Variants in BCL9 observed in about 807,000 individuals in gnomAD.
BCL9 encodes B-cell CLL/lymphoma 9 protein.
A neutral mutation model predicts 88.5 loss-of-function variants in BCL9; 25 were observed. The observed-to-expected ratio is 0.28, with a 90% confidence interval of 0.21 to 0.39. The LOEUF (loss-of-function observed/expected upper bound fraction) is 0.39, where lower values mean the gene tolerates loss of function less well. Ranked by LOEUF, BCL9 falls within the 10% of genes least tolerant of loss-of-function variation. BCL9 has a pLI of 1.00. For synonymous variants in BCL9, 711 were observed against 673.3 expected (o/e 1.06, Z -0.87); for missense variants, 1,817 against 1,877.8 (o/e 0.97, Z 0.60).
At chr1:147,584,773 G>T (rs781880471) in intron 1 of BCL9, among the ~76,000 whole-genome samples, 1 of 152,220 alleles carries the variant, frequency 6.6e-6, no homozygotes. Context: ...TGCAGTAGAA[G>T]TTTAGCTCCT....
chr1:147,557,524 G>A (rs1655169432), intron 1 of BCL9, among the ~76,000 whole-genome samples: 1 of 152,142 alleles, frequency 6.6e-6, no homozygotes, highest in African/African-American at 2.4e-5. Flanking sequence ...GAAGATAAGG[G>A]TAGAGGCTTG....
At chr1:147,585,097 T>A (rs782689039) in intron 1 of BCL9, among the ~76,000 whole-genome samples, 5 of 152,130 alleles carry the variant, frequency 3.3e-5, no homozygotes, top group African/African-American at 4.8e-5. Flanking sequence ...GTGTGAAAAT[T>A]GGATTTTACC....
rs1658180140 is a variant in BCL9, at chr1:147,614,629, C to T, written c.560+13C>T. 1.3e-6 allele frequency: 2 copies of T among 1,596,206 alleles called. No individual in the cohort carries two copies. Among genetic ancestry groups the T allele is most frequent in the Non-Finnish European group, 1.7e-6 (2 of 1,169,506 alleles). On this transcript the variant is annotated intron_variant, in intron 6 of 9. Transcript: ENST00000234739. ...AGATGGCCAATAAGTAAGTTGATGG[C>T]TGTGTCTTGCTGTTGGGCAGGGCTT...
At chr1:147,617,171 T>G (rs1332964311) in intron 7 of BCL9, among the ~76,000 whole-genome samples, 1 of 152,212 alleles carries the variant, frequency 6.6e-6, no homozygotes, top group Non-Finnish European at 1.5e-5. Flanking sequence ...AAATGCTTAT[T>G]GTCCTGGAAT....
intron 1 of BCL9, chr1:147,600,214 CG>C (rs1557845955): frequency 5.0e-5 from 8 of 161,602 alleles, no homozygotes; most frequent in Non-Finnish European, 7.9e-5. Context: ...CTGCCGCCGC[CG>C]GGGGGAGACG....
chr1:147,621,145 T>C, intron 8 of BCL9, 88 bp downstream of exon 8: 1 of 1,368,700 alleles, frequency 7.3e-7, no homozygotes, highest in Non-Finnish European at 9.9e-7. Context: ...GTGTCTTGAG[T>C]ACACAGACAG....
At position 147,618,820 on chromosome 1, in the gene BCL9, C is replaced by G; in HGVS notation, c.665C>G (p.Thr222Arg). 6.5e-7 allele frequency: 1 copy of G among 1,538,294 alleles called. No individual in the cohort carries two copies. Among genetic ancestry groups the G allele is most frequent in the Non-Finnish European group, 8.7e-7 (1 of 1,144,878 alleles). ...KTERSTAPLN[T>R]QISALRNDPK... Reference sequence around the variant, plus strand: ...AAACTATTTGTTTGTCTTCAGAACACACAGATATCTGCCCTTCGGAATGAT... The same window carrying G: ...AAACTATTTGTTTGTCTTCAGAACAGACAGATATCTGCCCTTCGGAATGAT... The change falls in exon 8 of 10, where the codon ACA (threonine) becomes AGA (arginine). Residue 222 changes from threonine to arginine, a missense_variant. By Grantham distance (71) the Thr-to-Arg change is moderately conservative. Coordinates refer to ENST00000234739, the MANE Select transcript of BCL9 (RefSeq NM_004326.4).
chr1:147,563,796 A>G lies in BCL9; in HGVS notation c.-478+22122A>G, dbSNP rs113249030. On this transcript the variant is annotated intron_variant, in intron 1 of 9. Coordinates refer to ENST00000234739, the MANE Select transcript of BCL9 (RefSeq NM_004326.4). ...ACTTTAATAATGTAAAATATTAACA[A>G]CCACTACTCATTACACACTTGTACC... Among the ~76,000 whole-genome samples, 474 of 152,350 alleles carry G rather than the reference A, an allele frequency of 3.1e-3. 6 individuals are homozygous for G. Among genetic ancestry groups the G allele is most frequent in the African/African-American group, 0.011 (462 of 41,566 alleles).
chr1:147,580,918 GA>G (rs1323237418), intron 1 of BCL9, among the ~76,000 whole-genome samples: 4 of 152,054 alleles, frequency 2.6e-5, no homozygotes, highest in Non-Finnish European at 5.9e-5. Flanking sequence ...TTTTAAAAGT[GA>G]AAAAAACTGG....
At chr1:147,616,006 G>A (rs1271783070) in intron 7 of BCL9, 104 bp downstream of exon 7, 1 of 1,122,846 alleles carries the variant, frequency 8.9e-7, no homozygotes, top group African/African-American at 1.5e-5. Context: ...TTGATGGCAT[G>A]AGTTGCATTC....
intron 1 of BCL9, among the ~76,000 whole-genome samples, chr1:147,556,808 G>C (rs1399219217): frequency 2.0e-5 from 3 of 152,162 alleles, no homozygotes; most frequent in African/African-American, 7.2e-5. Flanking sequence ...TTGGTCACTT[G>C]AGACAGCTCC....
chr1:147,548,049 A>C (rs1335708361), intron 1 of BCL9, among the ~76,000 whole-genome samples: 2 of 152,200 alleles, frequency 1.3e-5, no homozygotes, highest in African/African-American at 4.8e-5. Flanking sequence ...CAAAACTACC[A>C]CTAATGGCAT....
intron 1 of BCL9, among the ~76,000 whole-genome samples, chr1:147,584,687 C>T (rs892350859): frequency 6.6e-6 from 1 of 152,144 alleles, no homozygotes; most frequent in Non-Finnish European, 1.5e-5. Flanking sequence ...GTCTTGTGTG[C>T]GCCTCCCAGG....
At chr1:147,557,549 A>C (rs868962436) in intron 1 of BCL9, among the ~76,000 whole-genome samples, 35 of 152,294 alleles carry the variant, frequency 2.3e-4, no homozygotes, top group African/African-American at 7.9e-4. Context: ...TCGCAGGGAT[A>C]TCCTCCTTCC....
chr1:147,582,979 A>AT (rs1304962950), intron 1 of BCL9, among the ~76,000 whole-genome samples: 4 of 152,242 alleles, frequency 2.6e-5, no homozygotes, highest in African/African-American at 9.6e-5. Flanking sequence ...GTCAACAAAT[A>AT]TTTACCAAGT....
chr1:147,592,677 A>G (rs1656893597), intron 1 of BCL9, among the ~76,000 whole-genome samples: 1 of 152,212 alleles, frequency 6.6e-6, no homozygotes, highest in Admixed American at 6.5e-5. Context: ...TATTGAGGGG[A>G]TAGCCTTTCA....
At chr1:147,615,781 GC>G (rs1557856841) in intron 6 of BCL9, 21 bp from the exon 7 acceptor site, 12 of 1,593,482 alleles carry the variant, frequency 7.5e-6, no homozygotes, top group Non-Finnish European at 9.5e-6. Flanking sequence ...TCTAGTGTGT[GC>G]TGTCTCTTCC....
At position 147,624,899 on chromosome 1, in the gene BCL9, T is replaced by A. The variant is rs782478204; in HGVS notation, c.4221T>A (p.Ala1407=). The A allele has an allele frequency of 5.4e-5, 87 of 1,613,890 alleles. No homozygotes were observed. Among genetic ancestry groups the A allele is most frequent in the Non-Finnish European group, 7.1e-5 (84 of 1,179,878 alleles). The change falls in exon 10 of 10, where the codon GCT becomes GCA. Residue 1407 remains alanine (A), a synonymous_variant. Coordinates refer to ENST00000234739, the MANE Select transcript of BCL9 (RefSeq NM_004326.4). The surrounding 1 kb of genome is among the most constrained non-coding windows in gnomAD (Gnocchi z 4.4). ...AGATGAGGCCCCGGGGCATGGCTGC[T>A]GACGTGGGCATGGGTGGATTTAGCC... ...PPQMRPRGMA[A]DVGMGGFSQG...
rs1658485626 is a variant in BCL9 at position 147,619,449 on chromosome 1, C to T, written c.1294C>T (p.Pro432Ser). The change falls in exon 8 of 10, where the codon CCT (proline) becomes TCT (serine). Residue 432 changes from proline to serine, a missense_variant. This residue lies in a region of BCL9 where 1,228 missense variants were observed against 1,191.6 expected (regional missense o/e 1.03). Transcript: ENST00000234739. This position sits in a 1 kb window ranked among gnomAD's most constrained non-coding sequence, Gnocchi z 4.1. ...GACAGACGTGGGAGCTCCATTTGGC[C>T]CTCAAGGACATAGAGATGTACCCTT... Reference protein sequence around the residue: ...PRTDVGAPFGPQGHRDVPFSP... With the variant: ...PRTDVGAPFGSQGHRDVPFSP... The T allele has an allele frequency of 3.1e-6, 5 of 1,614,056 alleles. No individual in the cohort carries two copies. The highest frequency in any genetic ancestry group is 4.2e-6 in the Non-Finnish European group (5 of 1,180,006).
Sources: allele counts gnomAD v4.1 joint callset (sites outside exome capture counted in the v4.1 genomes callset), GRCh38; gene constraint gnomAD v4.1.1; regional missense constraint gnomAD v4.1.1; non-coding constraint Gnocchi (gnomAD v3.1); transcripts MANE v1.5; gene names NCBI Gene and HGNC (gene_info 2026-07-23, HGNC 2026-07-21).